The following KCND2 variants were observed in gnomAD, a reference collection of about 807,000 sequenced individuals.
KCND2 encodes A-type voltage-gated potassium channel KCND2.
A neutral mutation model predicts 54.4 loss-of-function variants in KCND2; 16 were observed. The ratio of observed to expected loss-of-function variants is 0.29; its 90% CI spans 0.20 to 0.45. The LOEUF (loss-of-function observed/expected upper bound fraction) is 0.45. Among genes scored for constraint, KCND2 ranks in the 20% least tolerant of loss-of-function variants. The probability of loss-of-function intolerance (pLI) is 1.00; values close to 1 mark genes in which losing one functional copy is unlikely to be tolerated. For missense variants in KCND2, 486 were observed against 824.2 expected, an observed-to-expected ratio of 0.59 and a Z score of 5.02; for synonymous variants, 317 against 310.7, an observed-to-expected ratio of 1.02 and a Z score of -0.21.
At chr7:120,614,470 C>G (rs1417597127) in intron 1 of KCND2, among the ~76,000 whole-genome samples, 1 of 152,204 alleles carries the variant, frequency 6.6e-6, no homozygotes, top group South Asian at 2.1e-4. Flanking sequence ...TCCACCTCAT[C>G]TAGTTTTATT....
Position 120,556,197 on chromosome 7 carries a change from G to A in KCND2, c.1116-176706G>A, listed in dbSNP as rs371114149. On this transcript the variant is annotated intron_variant, in intron 1 of 5. Transcript: ENST00000331113. ...CTCCAACACTATTTATTGCCCTTCC[G>A]TCTCTCAATGCGTCCGAAATGAGGG... is the stretch of plus-strand genomic sequence containing the variant. 1.6e-4 allele frequency among the ~76,000 whole-genome samples: 25 copies of A among 152,138 alleles called. 1 individual carries two copies. Among genetic ancestry groups the A allele is most frequent in the South Asian group, 1.0e-3 (5 of 4,814 alleles).
chr7:120,313,338 T>C (rs1158576124), intron 1 of KCND2, among the ~76,000 whole-genome samples: 1 of 152,202 alleles, frequency 6.6e-6, no homozygotes, highest in Non-Finnish European at 1.5e-5. Flanking sequence ...ATTGTATATG[T>C]ATATAAATGT....
chr7:120,450,531 A>C (rs1215597727), intron 1 of KCND2, among the ~76,000 whole-genome samples: 1 of 152,198 alleles, frequency 6.6e-6, no homozygotes, highest in African/African-American at 2.4e-5. Flanking sequence ...GACCTCACAG[A>C]CAATGGAGAA....
chr7:120,335,708 G>A (rs1430646145), intron 1 of KCND2, among the ~76,000 whole-genome samples: 1 of 151,874 alleles, frequency 6.6e-6, no homozygotes, highest in East Asian at 1.9e-4. Context: ...GATGGTCTCA[G>A]TCTCCTGACC....
intron 1 of KCND2, among the ~76,000 whole-genome samples, chr7:120,304,147 A>T (rs1799619733): frequency 6.6e-6 from 1 of 152,174 alleles, no homozygotes; most frequent in Non-Finnish European, 1.5e-5. Flanking sequence ...CATCAGCATA[A>T]ATGTCACTGC....
chr7:120,535,740 C>T (rs908821511), intron 1 of KCND2, among the ~76,000 whole-genome samples: 1 of 151,990 alleles, frequency 6.6e-6, no homozygotes, highest in African/African-American at 2.4e-5. Context: ...AAGGGGCAAC[C>T]GTTCTAAAAT....
chr7:120,399,655 A>G (rs904969322), intron 1 of KCND2, among the ~76,000 whole-genome samples: 8 of 151,214 alleles, frequency 5.3e-5, no homozygotes, highest in Admixed American at 4.0e-4. Context: ...AATAATTTTC[A>G]TATATATTTA....
chr7:120,274,458 G>C lies in KCND2; in HGVS notation c.-175G>C, dbSNP rs1337512142. On this transcript the variant is annotated 5_prime_UTR_variant, in exon 1 of 6. Transcript: ENST00000331113. ...AAATACCTGTCTTGGAGGGAAAGTT[G>C]CCCTTCTGAGAACTGTGACTTTACC... The C allele has an allele frequency of 2.8e-6, 2 of 722,648 alleles. No homozygotes were observed. Among genetic ancestry groups the C allele is most frequent in the Non-Finnish European group, 4.9e-6 (2 of 406,616 alleles). 44.8% of individuals were successfully genotyped at this position (722,648 alleles called of 1,614,324 possible).
intron 1 of KCND2, among the ~76,000 whole-genome samples, chr7:120,364,857 CTG>C (rs999756220): frequency 2.0e-5 from 3 of 151,992 alleles, no homozygotes; most frequent in Non-Finnish European, 4.4e-5. Context: ...TTTGCTAAAA[CTG>C]TATTTGACAA....
At chr7:120,636,017 C>T (rs902189251) in intron 1 of KCND2, among the ~76,000 whole-genome samples, 10 of 152,134 alleles carry the variant, frequency 6.6e-5, no homozygotes, top group African/African-American at 2.2e-4. Context: ...TGAAACGCAA[C>T]TGTGGCCTTC....
intron 1 of KCND2, among the ~76,000 whole-genome samples, chr7:120,518,329 C>A (rs1803226476): frequency 6.6e-6 from 1 of 152,076 alleles, no homozygotes; most frequent in Non-Finnish European, 1.5e-5. Context: ...TAATGGAAAT[C>A]TTTTTAAAAA....
chr7:120,573,869 C>T (rs1237846956), intron 1 of KCND2, among the ~76,000 whole-genome samples: 3 of 152,054 alleles, frequency 2.0e-5, no homozygotes, highest in Non-Finnish European at 4.4e-5. Flanking sequence ...AGAAGTTATT[C>T]TCAAATTAAA....
intron 1 of KCND2, among the ~76,000 whole-genome samples, chr7:120,570,973 G>A (rs1416777612): frequency 2.0e-5 from 3 of 152,112 alleles, no homozygotes; most frequent in South Asian, 2.1e-4. Context: ...TAACAGTTCC[G>A]CAACTTTGTC....
intron 1 of KCND2, among the ~76,000 whole-genome samples, chr7:120,331,507 G>A (rs563364984): frequency 1.3e-5 from 2 of 152,060 alleles, no homozygotes; most frequent in South Asian, 4.1e-4. Flanking sequence ...AAAAGACAAA[G>A]AGTGAGAGAG....
At chr7:120,384,926 T>C (rs1469881298) in intron 1 of KCND2, among the ~76,000 whole-genome samples, 1 of 151,986 alleles carries the variant, frequency 6.6e-6, no homozygotes, top group African/African-American at 2.4e-5. Flanking sequence ...TTTATAGTCT[T>C]TTCTACCTTC....
intron 1 of KCND2, among the ~76,000 whole-genome samples, chr7:120,420,131 TTG>T (rs1335502710): frequency 6.6e-6 from 1 of 152,116 alleles, no homozygotes; most frequent in Non-Finnish European, 1.5e-5. Flanking sequence ...TACATTTGTG[TTG>T]TTATGAGTAC....
At chr7:120,386,170 G>T (rs1463538992) in intron 1 of KCND2, among the ~76,000 whole-genome samples, 1 of 152,118 alleles carries the variant, frequency 6.6e-6, no homozygotes, top group Non-Finnish European at 1.5e-5. Flanking sequence ...AGGAGTCATT[G>T]TACTTGGATT....
chr7:120,383,739 G>A (rs1800948647), intron 1 of KCND2, among the ~76,000 whole-genome samples: 1 of 151,956 alleles, frequency 6.6e-6, no homozygotes, highest in South Asian at 2.1e-4. Flanking sequence ...TCTCAACTCA[G>A]AAGAAAAAAA....
At position 120,661,452 on chromosome 7, in the gene KCND2, C is replaced by T. The variant is rs899995329; in HGVS notation, c.1116-71451C>T. 1.3e-4 allele frequency among the ~76,000 whole-genome samples: 20 copies of T among 152,050 alleles called. 1 individual carries two copies. The highest frequency in any genetic ancestry group is 1.2e-3 in the Admixed American group (19 of 15,258). ...TCACCTGAAGTCAGGAGTTCAAGAC[C>T]AGCCTGGTCAACATGGTGAAACCTC... is the stretch of plus-strand genomic sequence containing the variant. On this transcript the variant is annotated intron_variant, in intron 1 of 5. Coordinates refer to ENST00000331113, the MANE Select transcript of KCND2 (RefSeq NM_012281.3).
Sources: gnomAD v4.1 joint callset for allele counts (sites outside exome capture counted in the v4.1 genomes callset) on GRCh38, gnomAD v4.1.1 for gene constraint, MANE v1.5 for transcripts, NCBI Gene and HGNC (gene_info 2026-07-23, HGNC 2026-07-21) for gene names.